The following RIPOR3 variants were observed in gnomAD, a reference collection of about 807,000 sequenced individuals.
The protein encoded by RIPOR3 is family with sequence similarity 65 member C.
A neutral mutation model predicts 114.3 loss-of-function variants in RIPOR3; 95 were observed. That is an observed-to-expected ratio of 0.83 (90% confidence interval 0.70 to 0.99). RIPOR3 has a LOEUF of 0.99. Ranked by LOEUF, RIPOR3 falls within the 50% of genes least tolerant of loss-of-function variation. RIPOR3 has a pLI of 0.00. For synonymous variants in RIPOR3, 575 were observed against 543.8 expected (o/e 1.06, Z -0.80); for missense variants, 1,252 against 1,266.9 (o/e 0.99, Z 0.18).
intron 3 of RIPOR3, among the ~76,000 whole-genome samples, chr20:50,619,440 CAAAAAAAAA>C (rs11483233): frequency 1.0e-5 from 1 of 96,416 alleles, no homozygotes; most frequent in African/African-American, 3.4e-5. Context: ...GACTCCATCT[CAAAAAAAAA>C]AAAAAAAAAA....
intron 1 of RIPOR3, among the ~76,000 whole-genome samples, chr20:50,646,186 G>A (rs748198605): frequency 1.3e-5 from 2 of 152,054 alleles, no homozygotes; most frequent in Non-Finnish European, 2.9e-5. Context: ...GGAGTGCAGT[G>A]GTGCGGTCAC....
At chr20:50,649,475 T>C (rs1259525914) in intron 1 of RIPOR3, among the ~76,000 whole-genome samples, 1 of 152,114 alleles carries the variant, frequency 6.6e-6, no homozygotes, top group Non-Finnish European at 1.5e-5. Context: ...CTGGGAAGGA[T>C]GCCTGGCACA....
At position 50,617,738 on chromosome 20, in the gene RIPOR3, G is replaced by A. The variant is rs1321104297; in HGVS notation, c.270-1658C>T. On this transcript the variant is annotated intron_variant, in intron 3 of 21. Transcript: ENST00000327979. ...CCTCCCGGGTTCAAGTGATTCTCCT[G>A]CCTCAGCCTCCCGAGTAGCTGGGAT... Among the ~76,000 whole-genome samples the A allele has an allele frequency of 2.1e-5, 3 of 145,594 alleles. No homozygotes were observed. The East Asian group carries it at 6.2e-4, about 30-fold the overall frequency.
At chr20:50,623,246 G>A (rs1372877265) in intron 2 of RIPOR3, among the ~76,000 whole-genome samples, 3 of 135,006 alleles carry the variant, frequency 2.2e-5, no homozygotes. Context: ...GGCAGCAAGA[G>A]CAAAACTCTG....
chr20:50,674,907 A>AC (rs1568959091), intron 1 of RIPOR3, among the ~76,000 whole-genome samples: 1 of 151,954 alleles, frequency 6.6e-6, no homozygotes. Context: ...ACATAGCAAG[A>AC]CCCCATCTCT....
chr20:50,671,438 A>G (rs1356780960), intron 1 of RIPOR3, among the ~76,000 whole-genome samples: 1 of 126,872 alleles, frequency 7.9e-6, no homozygotes, highest in African/African-American at 3.6e-5. Context: ...GCACACACAC[A>G]CACACACACA....
rs187743807 is a variant in RIPOR3 at position 50,651,272 on chromosome 20, G to A, written c.4-20416C>T. 1.3e-4 allele frequency among the ~76,000 whole-genome samples: 20 copies of A among 152,308 alleles called. No individual in the cohort carries two copies. The East Asian group carries it at 2.7e-3, about 21-fold the overall frequency. On this transcript the variant is annotated intron_variant, in intron 1 of 21. Coordinates refer to ENST00000327979, the MANE Select transcript of RIPOR3 (RefSeq NM_001290268.2). ...GGGGACCTCAGTCCTATGGCCACACGGAACTGAATGACCTTGGAAGTGGAT... is the reference window on the plus strand; with the variant it reads ...GGGGACCTCAGTCCTATGGCCACACAGAACTGAATGACCTTGGAAGTGGAT...
rs185907524 is a variant in RIPOR3, at chr20:50,631,291, C to T, written c.4-435G>A. Among the ~76,000 whole-genome samples the T allele has an allele frequency of 2.2e-3, 335 of 152,326 alleles. 1 individual carries two copies. The highest frequency in any genetic ancestry group is 7.7e-3 in the African/African-American group (321 of 41,578). The stretch of plus-strand genomic sequence containing the variant: ...CCAGCCCAGCAGGGAGGCCCACCTA[C>T]TGCCGAACAGTTACGATACAGAGTC... On this transcript the variant is annotated intron_variant, in intron 1 of 21. Coordinates refer to ENST00000327979, the MANE Select transcript of RIPOR3 (RefSeq NM_001290268.2).
intron 11 of RIPOR3, among the ~76,000 whole-genome samples, chr20:50,605,977 G>A (rs2083698157): frequency 1.3e-5 from 2 of 152,112 alleles, no homozygotes; most frequent in Admixed American, 1.3e-4. Flanking sequence ...GCCAAGGTGG[G>A]TGGATCGCCT....
At chr20:50,594,375 C>T (rs1451661258) in intron 17 of RIPOR3, among the ~76,000 whole-genome samples, 178 bp downstream of exon 17, 1 of 152,120 alleles carries the variant, frequency 6.6e-6, no homozygotes, top group Non-Finnish European at 1.5e-5. Flanking sequence ...GGCCCCTTCT[C>T]GCCCGGTGAA....
In RIPOR3 at chr20:50,658,475, C is replaced by T. The variant is rs145254688; in HGVS notation, c.4-27619G>A. 2.6e-3 allele frequency among the ~76,000 whole-genome samples: 390 copies of T among 152,122 alleles called. 2 individuals carry two copies. The highest frequency in any genetic ancestry group is 9.2e-3 in the African/African-American group (382 of 41,474). On this transcript the variant is annotated intron_variant, in intron 1 of 21. Coordinates refer to ENST00000327979, the MANE Select transcript of RIPOR3 (RefSeq NM_001290268.2). ...GTAATCCCAGCACTTTGGGAGACCA[C>T]GGTGGGAGGATCGCTCGAGCCCAGG... is the stretch of plus-strand genomic sequence containing the variant.
intron 18 of RIPOR3, 104 bp downstream of exon 18, chr20:50,592,931 G>T: frequency 7.2e-7 from 1 of 1,398,138 alleles, no homozygotes; most frequent in Non-Finnish European, 9.8e-7. Context: ...AAGAACAGTT[G>T]GCGGGGATGG....
At chr20:50,685,774 C>T (rs2086997151) in intron 1 of RIPOR3, among the ~76,000 whole-genome samples, 1 of 145,160 alleles carries the variant, frequency 6.9e-6, no homozygotes, top group Non-Finnish European at 1.5e-5. Context: ...TGAGCAGGAT[C>T]ACGCCACTGC....
At chr20:50,596,321 G>T (rs2083289346) in intron 14 of RIPOR3, 58 bp from the exon 15 acceptor site, 1 of 1,606,936 alleles carries the variant, frequency 6.2e-7, no homozygotes, top group Admixed American at 1.7e-5. Flanking sequence ...TCCCTCTGAG[G>T]GTGGGGGAAC....
chr20:50,685,839 C>T (rs1171961088), intron 1 of RIPOR3, among the ~76,000 whole-genome samples: 1 of 138,316 alleles, frequency 7.2e-6, no homozygotes. Flanking sequence ...AAAAAAAACC[C>T]TCCTCTTCTA....
intron 1 of RIPOR3, among the ~76,000 whole-genome samples, chr20:50,671,003 C>A (rs559202581): frequency 2.2e-4 from 34 of 152,296 alleles, no homozygotes; most frequent in African/African-American, 7.9e-4. Flanking sequence ...TCTCCGCTCA[C>A]TGCAACCTCC....
intron 1 of RIPOR3, among the ~76,000 whole-genome samples, chr20:50,643,300 G>GTTTTT (rs35657879): frequency 7.7e-6 from 1 of 129,348 alleles, no homozygotes; most frequent in Non-Finnish European, 1.6e-5. Context: ...TTTTGTGTGT[G>GTTTTT]TTTTTTTTTT....
chr20:50,666,192 C>G (rs56410705), intron 1 of RIPOR3, among the ~76,000 whole-genome samples: 1 of 26,710 alleles, frequency 3.7e-5, no homozygotes, highest in African/African-American at 6.4e-5. Context: ...CATTTCTTTT[C>G]TTTTCTTTTC....
chr20:50,675,877 C>T (rs953010), intron 1 of RIPOR3, among the ~76,000 whole-genome samples: 85,217 of 151,834 alleles, frequency 0.56, 27,415 homozygotes, highest in East Asian at 0.73. Flanking sequence ...GAACGGCAGA[C>T]GGGGCAGGAG....
Sources: allele counts gnomAD v4.1 joint callset (sites outside exome capture counted in the v4.1 genomes callset), GRCh38; gene constraint gnomAD v4.1.1; transcripts MANE v1.5; gene names NCBI Gene and HGNC (gene_info 2026-07-23, HGNC 2026-07-21).